STARD13: variants seen among roughly 807,000 people sequenced by gnomAD.
STARD13 encodes the protein StAR related lipid transfer domain containing 13.
A neutral mutation model predicts 106.4 loss-of-function variants in STARD13; 62 were observed. That is an observed-to-expected ratio of 0.58 (90% CI 0.48 to 0.72). The LOEUF is 0.72. Ranked by LOEUF, STARD13 falls within the 30% of genes least tolerant of loss-of-function variation. STARD13 has a pLI of 0.00. For missense variants in STARD13, 1,387 were observed against 1,424.0 expected, an observed-to-expected ratio of 0.97 and a Z score of 0.42; for synonymous variants, 565 against 553.0, an observed-to-expected ratio of 1.02 and a Z score of -0.31.
rs547614353 is a variant in STARD13, at chr13:33,324,251, A to G, written c.124+26039T>C. 1.6e-4 allele frequency among the ~76,000 whole-genome samples: 25 copies of G among 152,310 alleles called. No homozygotes were observed. The East Asian group carries it at 4.8e-3, about 29-fold the overall frequency. On this transcript the variant is annotated intron_variant, in intron 1 of 5. Transcript: ENST00000567873. ...TAAGTGTGTTACTTGAGAATATTCG[A>G]AAACATTTGCTAAGGGGTGTGAACG...
At chr13:33,483,872 C>T in the STARD13 span, among the ~76,000 whole-genome samples, 1 of 152,220 alleles carries the variant, frequency 6.6e-6, no homozygotes, top group Non-Finnish European at 1.5e-5. Flanking sequence ...ACTGGCATTT[C>T]AGCCACAAAT....
the STARD13 span, among the ~76,000 whole-genome samples, chr13:33,394,053 A>G: frequency 6.6e-6 from 1 of 152,246 alleles, no homozygotes; most frequent in Non-Finnish European, 1.5e-5. Flanking sequence ...GTTTTAGAGC[A>G]ACAGAACTTG....
chr13:33,361,987 T>C, the STARD13 span, among the ~76,000 whole-genome samples: 1 of 152,252 alleles, frequency 6.6e-6, no homozygotes, highest in East Asian at 1.9e-4. Context: ...AATAATATAT[T>C]TGTTGTAATT....
At chr13:33,632,692 T>A in the STARD13 span, among the ~76,000 whole-genome samples, 1 of 152,220 alleles carries the variant, frequency 6.6e-6, no homozygotes, top group East Asian at 1.9e-4. Context: ...GATTTGTGGG[T>A]TTTACTCTGC....
chr13:33,211,694 A>T (rs1173791570), intron 1 of STARD13, among the ~76,000 whole-genome samples: 1 of 152,194 alleles, frequency 6.6e-6, no homozygotes, highest in African/African-American at 2.4e-5. Context: ...AATAATGACA[A>T]GGGAAAGAAG....
chr13:33,318,736 A>G (rs909263133), intron 1 of STARD13, among the ~76,000 whole-genome samples: 3 of 152,178 alleles, frequency 2.0e-5, no homozygotes, highest in Non-Finnish European at 4.4e-5. Flanking sequence ...AGACAAAAAA[A>G]AAGTAAGAAT....
At chr13:33,339,544 C>A (rs550976135) in intron 1 of STARD13, among the ~76,000 whole-genome samples, 2 of 152,186 alleles carry the variant, frequency 1.3e-5, no homozygotes, top group Non-Finnish European at 2.9e-5. Context: ...GCTTCCACCC[C>A]TTTCCCACCT....
At chr13:33,638,971 T>C in the STARD13 span, among the ~76,000 whole-genome samples, 2,434 of 152,284 alleles carry the variant, frequency 0.016, 62 homozygotes, top group African/African-American at 0.055. Context: ...TCTAATGACC[T>C]CAATTTACAA....
At position 33,332,947 on chromosome 13, in the gene STARD13, G is replaced by A. The variant is rs151016922; in HGVS notation, c.124+17343C>T. Among the ~76,000 whole-genome samples the A allele has an allele frequency of 5.2e-3, 791 of 151,856 alleles. 9 individuals carry two copies. The highest frequency in any genetic ancestry group is 0.018 in the African/African-American group (757 of 41,386). On this transcript the variant is annotated intron_variant, in intron 1 of 5. Transcript: ENST00000567873. ...AGTGAATGAGAACCTTGCAATCTTC[G>A]TAAAAATAAAATCATATAATTTGGG...
At chr13:33,239,185 CGTT>C (rs1341426834) in intron 1 of STARD13, among the ~76,000 whole-genome samples, 1 of 152,090 alleles carries the variant, frequency 6.6e-6, no homozygotes, top group Non-Finnish European at 1.5e-5. Flanking sequence ...GGCTCACACA[CGTT>C]GTAGCATATA....
At chr13:33,586,536 A>G in the STARD13 span, among the ~76,000 whole-genome samples, 1 of 152,134 alleles carries the variant, frequency 6.6e-6, no homozygotes, top group South Asian at 2.1e-4. Flanking sequence ...TCTCAATACT[A>G]TTACTTATGG....
At chr13:33,656,212 T>A in the STARD13 span, among the ~76,000 whole-genome samples, 1 of 152,244 alleles carries the variant, frequency 6.6e-6, no homozygotes, top group Non-Finnish European at 1.5e-5. Context: ...CTCTGTTCTA[T>A]ACCCCGTGCT....
At chr13:33,601,944 T>C in the STARD13 span, among the ~76,000 whole-genome samples, 1 of 152,200 alleles carries the variant, frequency 6.6e-6, no homozygotes, top group Non-Finnish European at 1.5e-5. Context: ...AGAGAATGGC[T>C]TTAAGCAGTC....
chr13:33,393,360 A>T, the STARD13 span, among the ~76,000 whole-genome samples: 1 of 152,224 alleles, frequency 6.6e-6, no homozygotes, highest in Non-Finnish European at 1.5e-5. Context: ...TAGCATAGCT[A>T]AAAAGGCAGC....
chr13:33,397,628 G>C, the STARD13 span, among the ~76,000 whole-genome samples: 1 of 152,176 alleles, frequency 6.6e-6, no homozygotes, highest in Non-Finnish European at 1.5e-5. Context: ...CAGAGATGTA[G>C]CTTTCTGGAA....
chr13:33,527,648 C>A, the STARD13 span, among the ~76,000 whole-genome samples: 1 of 151,850 alleles, frequency 6.6e-6, no homozygotes, highest in African/African-American at 2.4e-5. Context: ...TTTATTCATC[C>A]TGTTCTGTTC....
chr13:33,401,555 C>T, the STARD13 span, among the ~76,000 whole-genome samples: 2 of 152,134 alleles, frequency 1.3e-5, no homozygotes, highest in Non-Finnish European at 2.9e-5. Context: ...GTGGCCTGGC[C>T]GCACTTCCAT....
chr13:33,499,599 TC>T, the STARD13 span, among the ~76,000 whole-genome samples: 1 of 67,934 alleles, frequency 1.5e-5, no homozygotes, highest in Non-Finnish European at 2.9e-5. Context: ...TTCTTCTTCT[TC>T]TTCTTTCTTC....
intron 1 of STARD13, among the ~76,000 whole-genome samples, chr13:33,341,335 C>T (rs1419007346): frequency 1.3e-5 from 2 of 152,088 alleles, no homozygotes; most frequent in Non-Finnish European, 2.9e-5. Context: ...TTCTGCGGTC[C>T]TCTCAAGAAA....
Sources: allele counts gnomAD v4.1 joint callset (sites outside exome capture counted in the v4.1 genomes callset), GRCh38; gene constraint gnomAD v4.1.1; transcripts MANE v1.5; gene names NCBI Gene and HGNC (gene_info 2026-07-23, HGNC 2026-07-21).